MSRB3: variants seen among roughly 807,000 people sequenced by gnomAD.
MSRB3 encodes methionine sulfoxide reductase B3, also known as methionine-R-sulfoxide reductase B3.
A neutral mutation model predicts 21.0 loss-of-function variants in MSRB3; 13 were observed. The observed-to-expected ratio is 0.62, with a 90% CI of 0.40 to 0.98. The LOEUF (loss-of-function observed/expected upper bound fraction) is 0.98, where lower values mean the gene tolerates loss of function less well. MSRB3 is among the 50% of genes least tolerant of loss of function. The pLI, the probability that MSRB3 is intolerant of heterozygous loss-of-function variation, is 0.00. For missense variants in MSRB3, 199 were observed against 230.3 expected (o/e 0.86, Z 0.88); for synonymous variants, 87 against 88.6 (o/e 0.98, Z 0.10).
At chr12:65,290,995 C>T (rs537956641) in intron 1 of MSRB3, among the ~76,000 whole-genome samples, 2 of 152,130 alleles carry the variant, frequency 1.3e-5, no homozygotes, top group Non-Finnish European at 1.5e-5. Context: ...CAGAGATGTA[C>T]CACAACTTTG....
intron 4 of MSRB3, among the ~76,000 whole-genome samples, chr12:65,337,265 AAAC>A (rs1875832901): frequency 6.7e-6 from 1 of 148,894 alleles, no homozygotes; most frequent in African/African-American, 2.6e-5. Flanking sequence ...AAACAAAACA[AAAC>A]AAAAAAAAAC....
intron 2 of MSRB3, among the ~76,000 whole-genome samples, chr12:65,309,531 CTG>C (rs199974948): frequency 0.012 from 1,769 of 152,160 alleles, 36 homozygotes; most frequent in African/African-American, 0.041. Context: ...GGAAATGGAA[CTG>C]TGTGAGGACC....
chr12:65,372,833 AACTTAC>A (rs1342242764), intron 5 of MSRB3, among the ~76,000 whole-genome samples: 14 of 152,194 alleles, frequency 9.2e-5, no homozygotes, highest in African/African-American at 3.4e-4. Context: ...TAAATAAAAG[AACTTAC>A]TGGCTTTGCT....
At chr12:65,357,078 C>T (rs1221286512) in intron 4 of MSRB3, among the ~76,000 whole-genome samples, 1 of 151,794 alleles carries the variant, frequency 6.6e-6, no homozygotes, top group Non-Finnish European at 1.5e-5. Flanking sequence ...GCAAATGACT[C>T]CAAAGGAACA....
intron 4 of MSRB3, among the ~76,000 whole-genome samples, chr12:65,329,385 C>T (rs1467653020): frequency 6.6e-6 from 1 of 152,132 alleles, no homozygotes; most frequent in South Asian, 2.1e-4. Context: ...TGTGGTGGCC[C>T]AGGCCTGCAA....
chr12:65,293,689 T>C (rs1241408687), intron 1 of MSRB3, among the ~76,000 whole-genome samples: 2 of 152,232 alleles, frequency 1.3e-5, no homozygotes, highest in Non-Finnish European at 2.9e-5. Flanking sequence ...TATGTCATCC[T>C]TACTGCACTT....
At chr12:65,300,361 T>C (rs1873244189) in intron 1 of MSRB3, among the ~76,000 whole-genome samples, 1 of 152,172 alleles carries the variant, frequency 6.6e-6, no homozygotes. Flanking sequence ...TCTGACTAAA[T>C]TAAGAATCTC....
intron 4 of MSRB3, among the ~76,000 whole-genome samples, chr12:65,350,988 C>A (rs1488681860): frequency 6.7e-6 from 1 of 150,080 alleles, no homozygotes; most frequent in Non-Finnish European, 1.5e-5. Context: ...GAACTCTCCA[C>A]CCCAAATCAA....
At chr12:65,279,229 G>C (rs1040056783) in intron 1 of MSRB3, 4 of 351,708 alleles carry the variant, frequency 1.1e-5, no homozygotes, top group African/African-American at 8.8e-5. Context: ...GGGAGGCAGG[G>C]GAGGGGTCCA....
chr12:65,421,028 T>C (rs10784456), intron 5 of MSRB3, among the ~76,000 whole-genome samples: 57,928 of 152,070 alleles, frequency 0.38, 11,579 homozygotes, highest in South Asian at 0.57. Flanking sequence ...TTTAGCTCTT[T>C]AAGGCATTGC....
At chr12:65,456,446 A>G (rs903768237) in intron 6 of MSRB3, among the ~76,000 whole-genome samples, 1 of 152,212 alleles carries the variant, frequency 6.6e-6, no homozygotes, top group African/African-American at 2.4e-5. Flanking sequence ...AGGAAAGATC[A>G]TTATGAAGAT....
intron 5 of MSRB3, among the ~76,000 whole-genome samples, chr12:65,436,433 A>C (rs1361233225): frequency 1.3e-5 from 2 of 151,828 alleles, no homozygotes; most frequent in Non-Finnish European, 2.9e-5. Flanking sequence ...GTATTTTGAT[A>C]GCAGTATTTA....
chr12:65,310,122 T>A (rs552886538), intron 2 of MSRB3, among the ~76,000 whole-genome samples: 1 of 152,096 alleles, frequency 6.6e-6, no homozygotes, highest in South Asian at 2.1e-4. Context: ...AAATAGCAAA[T>A]ACACTTTTTT....
intron 5 of MSRB3, among the ~76,000 whole-genome samples, chr12:65,415,991 T>C (rs1382461330): frequency 1.3e-5 from 2 of 152,192 alleles, no homozygotes; most frequent in Admixed American, 6.5e-5. Flanking sequence ...CTAGCACTAT[T>C]TGTGTGTGTG....
chr12:65,461,852 C>T (rs946742757), intron 6 of MSRB3, among the ~76,000 whole-genome samples: 1 of 152,134 alleles, frequency 6.6e-6, no homozygotes, highest in Non-Finnish European at 1.5e-5. Flanking sequence ...CTCGAAATGC[C>T]CTCCCCTAGA....
chr12:65,299,119 C>A (rs371961790), intron 1 of MSRB3, among the ~76,000 whole-genome samples: 8 of 152,276 alleles, frequency 5.3e-5, no homozygotes, highest in South Asian at 2.1e-4. Context: ...GTTTTAAAAT[C>A]ATTATTCTAG....
At chr12:65,317,638 A>G (rs1874385331) in intron 2 of MSRB3, among the ~76,000 whole-genome samples, 1 of 152,176 alleles carries the variant, frequency 6.6e-6, no homozygotes, top group African/African-American at 2.4e-5. Flanking sequence ...TTAAATCCAG[A>G]GAATTAATCA....
chr12:65,409,445 A>G (rs113349434), intron 5 of MSRB3, among the ~76,000 whole-genome samples: 2,242 of 152,200 alleles, frequency 0.015, 53 homozygotes, highest in African/African-American at 0.051. Context: ...TTGTGTATCT[A>G]TACTTATATA....
intron 1 of MSRB3, among the ~76,000 whole-genome samples, chr12:65,304,370 A>G (rs778660842): frequency 1.3e-5 from 2 of 152,234 alleles, no homozygotes. Flanking sequence ...CTTAACACAT[A>G]ATGTGATACT....
Sources: gnomAD v4.1 joint callset for allele counts (sites outside exome capture counted in the v4.1 genomes callset) on GRCh38, gnomAD v4.1.1 for gene constraint, MANE v1.5 for transcripts, NCBI Gene and HGNC (gene_info 2026-07-23, HGNC 2026-07-21) for gene names.